The following CDC42SE2 variants were observed in gnomAD, a reference collection of about 807,000 sequenced individuals.
The protein encoded by CDC42SE2 is CDC42 small effector protein 2.
In CDC42SE2, 3 loss-of-function variants were observed where a neutral mutation model predicts 11.5. That is an observed-to-expected ratio of 0.26 (90% CI 0.12 to 0.67). The LOEUF (loss-of-function observed/expected upper bound fraction) is 0.67, where lower values mean the gene tolerates loss of function less well. Among genes scored for constraint, CDC42SE2 ranks in the 30% least tolerant of loss-of-function variants. CDC42SE2 has a pLI of 0.80. For synonymous variants in CDC42SE2, 33 were observed against 34.8 expected (o/e 0.95, Z 0.18); for missense variants, 82 against 106.8 (o/e 0.77, Z 1.02).
chr5:131,376,035 TC>T (rs1167098081), intron 3 of CDC42SE2, among the ~76,000 whole-genome samples: 3 of 152,036 alleles, frequency 2.0e-5, no homozygotes, highest in Non-Finnish European at 4.4e-5. Flanking sequence ...GGTCAGGAGT[TC>T]GAGACCAGCC....
intron 1 of CDC42SE2, among the ~76,000 whole-genome samples, chr5:131,284,883 T>C (rs1226796196): frequency 6.6e-6 from 1 of 152,076 alleles, no homozygotes; most frequent in African/African-American, 2.4e-5. Context: ...AGGTTGCCTA[T>C]GGTGGTGTGC....
chr5:131,263,463 T>C (rs928166522), upstream of CDC42SE2, among the ~76,000 whole-genome samples: 2 of 152,206 alleles, frequency 1.3e-5, no homozygotes, highest in African/African-American at 4.8e-5. Flanking sequence ...CACAGAAGTC[T>C]AGTACATGTG....
chr5:131,348,761 C>T (rs532441775), intron 2 of CDC42SE2, among the ~76,000 whole-genome samples: 2 of 152,236 alleles, frequency 1.3e-5, no homozygotes, highest in East Asian at 3.9e-4. Context: ...GCTACAGTAA[C>T]CAAAACAGCA....
the CDC42SE2 span, among the ~76,000 whole-genome samples, chr5:131,230,743 T>C: frequency 2.6e-5 from 4 of 152,220 alleles, no homozygotes; most frequent in Admixed American, 6.5e-5. Flanking sequence ...TTTCACAGTA[T>C]TCTCCTTCAC....
At chr5:131,356,452 G>A (rs988547235) in intron 2 of CDC42SE2, among the ~76,000 whole-genome samples, 2 of 152,066 alleles carry the variant, frequency 1.3e-5, no homozygotes, top group African/African-American at 4.8e-5. Context: ...AATTTGTTTA[G>A]AAAAGCAAGA....
chr5:131,389,829 C>G (rs7704697), intron 4 of CDC42SE2, among the ~76,000 whole-genome samples: 5,238 of 152,246 alleles, frequency 0.034, 304 homozygotes, highest in African/African-American at 0.12. Flanking sequence ...TGCTAGTGCT[C>G]TCTCTCCACT....
chr5:131,276,396 C>T (rs1757102971), intron 1 of CDC42SE2, among the ~76,000 whole-genome samples: 1 of 151,152 alleles, frequency 6.6e-6, no homozygotes, highest in South Asian at 2.1e-4. Flanking sequence ...CTGCAGTGAG[C>T]CGAGATCTCA....
At chr5:131,273,405 C>G (rs1580724091) in intron 1 of CDC42SE2, among the ~76,000 whole-genome samples, 1 of 150,144 alleles carries the variant, frequency 6.7e-6, no homozygotes, top group African/African-American at 2.4e-5. Flanking sequence ...ATCTGCCCAG[C>G]TTGGCCTCCC....
At chr5:131,276,267 C>T (rs1242128218) in intron 1 of CDC42SE2, among the ~76,000 whole-genome samples, 47 of 123,218 alleles carry the variant, frequency 3.8e-4, no homozygotes, top group Non-Finnish European at 6.1e-4. Flanking sequence ...GGCAACGAGG[C>T]GAAACCCCAT....
chr5:131,329,981 TAACC>T (rs1409025968), intron 2 of CDC42SE2, among the ~76,000 whole-genome samples: 1 of 147,672 alleles, frequency 6.8e-6, no homozygotes, highest in African/African-American at 2.5e-5. Context: ...TTCAGTGGCT[TAACC>T]AACAATTATT....
At chr5:131,387,232 C>G (rs1750513365) in intron 4 of CDC42SE2, among the ~76,000 whole-genome samples, 1 of 152,116 alleles carries the variant, frequency 6.6e-6, no homozygotes, top group Non-Finnish European at 1.5e-5. Context: ...GATGTTGTCT[C>G]TGCCACCTCA....
In CDC42SE2 at chr5:131,393,293, G is replaced by A. The variant is rs916989114; in HGVS notation, c.*2202G>A. On this transcript the variant is annotated 3_prime_UTR_variant, in exon 5 of 5. Coordinates refer to ENST00000505065, the MANE Select transcript of CDC42SE2 (RefSeq NM_001375635.1). The stretch of plus-strand genomic sequence containing the variant: ...ACTGAACAAACATTAGGTTTATGTA[G>A]GTAAAATGTGAAAGCATTTCTCCTC... 1 of 152,250 alleles carries A rather than the reference G, an allele frequency of 6.6e-6. No individual in the cohort carries two copies. Among genetic ancestry groups the A allele is most frequent in the Admixed American group, 6.6e-5 (1 of 15,262 alleles). The allele number at this position is 152,250 out of a possible 1,614,324, so 9.4% of individuals were successfully genotyped here. A position where few individuals can be genotyped will look rare whatever the true frequency, so the allele number is the denominator to read the frequency against.
chr5:131,271,805 G>A (rs1757000422), intron 1 of CDC42SE2, among the ~76,000 whole-genome samples: 1 of 151,982 alleles, frequency 6.6e-6, no homozygotes, highest in African/African-American at 2.4e-5. Flanking sequence ...CAACTCCCTT[G>A]CGGCATTCTT....
chr5:131,366,016 G>A (rs1471566130), intron 3 of CDC42SE2, among the ~76,000 whole-genome samples: 1 of 152,088 alleles, frequency 6.6e-6, no homozygotes, highest in Non-Finnish European at 1.5e-5. Context: ...TATCAGTTGA[G>A]AAATGAAAAC....
chr5:131,372,346 A>C (rs947125082), intron 3 of CDC42SE2, among the ~76,000 whole-genome samples: 1 of 152,150 alleles, frequency 6.6e-6, no homozygotes, highest in African/African-American at 2.4e-5. Flanking sequence ...TCATATTTTT[A>C]AGAACTCCAA....
chr5:131,312,319 G>T (rs934042321), intron 1 of CDC42SE2, among the ~76,000 whole-genome samples: 1 of 152,132 alleles, frequency 6.6e-6, no homozygotes, highest in Non-Finnish European at 1.5e-5. Context: ...CTCCAGCTGC[G>T]TGCTGGGAGT....
chr5:131,275,806 A>AT (rs1757088858), intron 1 of CDC42SE2, among the ~76,000 whole-genome samples: 1 of 150,496 alleles, frequency 6.6e-6, no homozygotes, highest in Non-Finnish European at 1.5e-5. Context: ...TTAGGGAGGG[A>AT]TTTTTTTTAG....
chr5:131,222,977 G>T, the CDC42SE2 span, among the ~76,000 whole-genome samples: 1 of 152,184 alleles, frequency 6.6e-6, no homozygotes, highest in Non-Finnish European at 1.5e-5. Context: ...AATAAATGCT[G>T]ACTGGCTTCT....
the CDC42SE2 span, among the ~76,000 whole-genome samples, chr5:131,224,744 A>T: frequency 6.6e-6 from 1 of 152,076 alleles, no homozygotes; most frequent in Non-Finnish European, 1.5e-5. Context: ...CAAAATTCTT[A>T]CAAGAGGCTC....
Sources: allele counts gnomAD v4.1 joint callset (sites outside exome capture counted in the v4.1 genomes callset), GRCh38; gene constraint gnomAD v4.1.1; transcripts MANE v1.5; gene names NCBI Gene and HGNC (gene_info 2026-07-23, HGNC 2026-07-21).